The following CDKN2A variants were observed in gnomAD, a reference collection of about 807,000 sequenced individuals.
CDKN2A encodes cyclin-dependent kinase inhibitor 2A.
A neutral mutation model predicts 11.1 loss-of-function variants in CDKN2A; 3 were observed. That is an observed-to-expected ratio of 0.27 (90% CI 0.12 to 0.70). The LOEUF (loss-of-function observed/expected upper bound fraction) is 0.70. CDKN2A is among the 30% of genes least tolerant of loss of function. The pLI is 0.77. For missense variants in CDKN2A, 265 were observed against 233.6 expected, an observed-to-expected ratio of 1.13 and a Z score of -0.88; for synonymous variants, 122 against 108.1, an observed-to-expected ratio of 1.13 and a Z score of -0.80.
At chr9:21,970,767 C>T (rs1587329960) in intron 2 of CDKN2A, 135 bp downstream of exon 2, 2 of 1,104,458 alleles carry the variant, frequency 1.8e-6, no homozygotes, top group South Asian at 1.4e-5. Context: ...AGACTCAGGC[C>T]GTCCCACCGA....
At chr9:21,994,554 A>C in intron 1 of CDKN2A, 5 of 1,107,648 alleles carry the variant, frequency 4.5e-6, no homozygotes, top group East Asian at 3.1e-5. Context: ...GACCTCCAAG[A>C]TCTCGGAACG....
At position 21,991,716 on chromosome 9, in the gene CDKN2A, G is replaced by A. The variant is rs1012089859; in HGVS notation, c.-4+2166C>T. Reference sequence around the variant, plus strand: ...ATCATAGACGGTAATAGGCTATGTTGTTGCTACCTTAGGATCATAATGGAC... The same window carrying A: ...ATCATAGACGGTAATAGGCTATGTTATTGCTACCTTAGGATCATAATGGAC... On this transcript the variant is annotated intron_variant, in intron 2 of 3. Coordinates refer to the CDKN2A transcript ENST00000494262. The surrounding 1 kb of genome is among the most constrained non-coding windows in gnomAD (Gnocchi z 5.2). 5 of 983,058 alleles carry A rather than the reference G, an allele frequency of 5.1e-6. No individual in the cohort carries two copies. The highest frequency in any genetic ancestry group is 6.0e-6 in the Non-Finnish European group (5 of 827,840). The allele number at this position is 983,058 out of a possible 1,614,324, so 60.9% of individuals were successfully genotyped here.
In CDKN2A at chr9:21,967,857, T is replaced by C. The variant is rs1819486416; in HGVS notation, c.*372A>G. 3.0e-6 allele frequency: 1 copy of C among 337,174 alleles called. No homozygotes were observed. Among genetic ancestry groups the C allele is most frequent in the Non-Finnish European group, 5.5e-6 (1 of 183,322 alleles). 20.9% of individuals were successfully genotyped at this position (337,174 alleles called of 1,614,324 possible). On this transcript the variant is annotated 3_prime_UTR_variant, in exon 3 of 3. Coordinates refer to ENST00000304494, the MANE Select transcript of CDKN2A (RefSeq NM_000077.5). ...CAGTAACCCCCCTGAGCTTCCCTAG[T>C]TCACAAAATGCTTGTCATGAAGTCG...
intron 1 of CDKN2A, among the ~76,000 whole-genome samples, chr9:21,972,406 G>T (rs920421393): frequency 1.3e-5 from 2 of 152,050 alleles, no homozygotes; most frequent in Non-Finnish European, 2.9e-5. Context: ...TTATTAGAGG[G>T]TCACAGTCAG....
chr9:21,970,380 CGGAGGGTCAGATTAGCTGA>C (rs1819649431), intron 2 of CDKN2A: 1 of 278,884 alleles, frequency 3.6e-6, no homozygotes, highest in Non-Finnish European at 6.8e-6. Flanking sequence ...CCGCATAAAG[CGGAGGGTCAGATTAGCTGA>C]GGAGGGTCAG....
At chr9:21,975,764 T>G (rs1206332138), upstream of CDKN2A, among the ~76,000 whole-genome samples, 2 of 152,208 alleles carry the variant, frequency 1.3e-5, no homozygotes, top group African/African-American at 4.8e-5. Flanking sequence ...AAAGTCATAA[T>G]TCCTAGACCA....
At chr9:21,979,543 C>T (rs1411738607), upstream of CDKN2A, among the ~76,000 whole-genome samples, 1 of 152,028 alleles carries the variant, frequency 6.6e-6, no homozygotes, top group Non-Finnish European at 1.5e-5. Context: ...CAAAGTACAG[C>T]GGTGGTTATA....
upstream of CDKN2A, among the ~76,000 whole-genome samples, chr9:21,976,294 G>A (rs1244857096): frequency 2.0e-5 from 3 of 150,738 alleles, no homozygotes; most frequent in African/African-American, 7.3e-5. Context: ...CAGGAGAATC[G>A]CTTGAACCCG....
intron 2 of CDKN2A, among the ~76,000 whole-genome samples, chr9:21,990,401 C>T (rs1820399394): frequency 6.6e-6 from 1 of 152,088 alleles, no homozygotes; most frequent in South Asian, 2.1e-4. Context: ...CCTTGTCTTT[C>T]CTCCCTCCCT....
upstream of CDKN2A, among the ~76,000 whole-genome samples, chr9:21,976,506 A>G (rs192619658): frequency 2.4e-3 from 373 of 152,254 alleles, 1 homozygote; most frequent in African/African-American, 8.6e-3. Flanking sequence ...ACCTGAGGCC[A>G]GGAGTTCGAG....
In CDKN2A at chr9:21,968,305, C is replaced by T. The variant is rs2131080071; in HGVS notation, c.458-63G>A. 5 of 1,584,838 alleles carry T rather than the reference C, an allele frequency of 3.2e-6. No individual in the cohort carries two copies. Among genetic ancestry groups the T allele is most frequent in the African/African-American group, 1.3e-5 (1 of 74,380 alleles). ...GAGGTCAAAGATGTGTGGCACATCC[C>T]GCCCTCCTCTCTTGCCGTCCCTACC... On this transcript the variant is annotated intron_variant, in intron 2 of 2. Coordinates refer to ENST00000304494, the MANE Select transcript of CDKN2A (RefSeq NM_000077.5). The surrounding 1 kb of genome is among the most constrained non-coding windows in gnomAD (Gnocchi z 4.7).
intron 2 of CDKN2A, among the ~76,000 whole-genome samples, chr9:21,981,529 G>A (rs1396660726): frequency 6.6e-6 from 1 of 151,836 alleles, no homozygotes; most frequent in Non-Finnish European, 1.5e-5. Context: ...GGCAATGGAG[G>A]AATAATTCCA....
At position 21,974,682 on chromosome 9, in the gene CDKN2A, A is replaced by G. The variant is rs199907548; in HGVS notation, c.146T>C (p.Ile49Thr). The change falls in exon 1 of 3, where the codon ATC becomes ACC. Residue 49 changes from isoleucine (I) to threonine (T), a missense_variant. Physicochemically the swap from Ile to Thr is moderately conservative, Grantham distance 89. Coordinates refer to ENST00000304494, the MANE Select transcript of CDKN2A (RefSeq NM_000077.5). This position sits in a 1 kb window ranked among gnomAD's most constrained non-coding sequence, Gnocchi z 5.2. ...CGCTGCAGACCCTCTACCCACCTGG[A>G]TCGGCCTCCGACCGTAACTATTCGG... ...NAPNSYGRRP[I>T]QVMMMGSARV... 178 of 1,613,956 alleles carry G rather than the reference A, an allele frequency of 1.1e-4. No individual in the cohort carries two copies. The Admixed American group carries it at 2.9e-3, about 26-fold the overall frequency.
intron 2 of CDKN2A, among the ~76,000 whole-genome samples, chr9:21,984,009 T>C (rs558944949): frequency 1.3e-5 from 2 of 152,042 alleles, no homozygotes; most frequent in Admixed American, 6.6e-5. Flanking sequence ...GAATGTCAGA[T>C]ATATAAAAAT....
At position 21,974,852 on chromosome 9, in the gene CDKN2A, G is replaced by A. The variant is rs144481587; in HGVS notation, c.-25C>T. ...TGCTGCTCCCCGCCGCCCGCTGCCT[G>A]CTCTCCCCCTCTCCGCAGCCGCCGA... On this transcript the variant is annotated 5_prime_UTR_variant, in exon 1 of 3. Transcript: ENST00000304494. This position sits in a 1 kb window ranked among gnomAD's most constrained non-coding sequence, Gnocchi z 5.2. 2.3e-3 allele frequency: 3,559 copies of A among 1,542,830 alleles called. 63 individuals carry two copies. The African/African-American group carries it at 0.039, about 17-fold the overall frequency.
Position 21,968,670 on chromosome 9 carries a change from A to T in CDKN2A, c.458-428T>A, listed in dbSNP as rs767604175. On this transcript the variant is annotated intron_variant, in intron 2 of 2. Coordinates refer to ENST00000304494, the MANE Select transcript of CDKN2A (RefSeq NM_000077.5). The surrounding 1 kb of genome is among the most constrained non-coding windows in gnomAD (Gnocchi z 4.7). ...TGCGGAGTGAGCCAGCCAGCTTGCG[A>T]TAACCAAAGGGCGCCTCAGGCTCTG... The T allele has an allele frequency of 6.5e-7, 1 of 1,535,646 alleles. No homozygotes were observed. The highest frequency in any genetic ancestry group is 8.7e-7 in the Non-Finnish European group (1 of 1,146,540).
intron 2 of CDKN2A, chr9:21,970,534 T>A: frequency 2.0e-6 from 1 of 508,344 alleles, no homozygotes; most frequent in Non-Finnish European, 3.5e-6. Flanking sequence ...ACAGACCTGG[T>A]AAGTGGATGC....
rs1819494021 is a variant in CDKN2A at position 21,968,041 on chromosome 9, G to T, written c.*188C>A. 4.9e-6 allele frequency: 3 copies of T among 611,322 alleles called. No individual in the cohort carries two copies. The South Asian group carries it at 6.4e-5, about 13-fold the overall frequency. The allele number at this position is 611,322 out of a possible 1,614,324, so 37.9% of individuals were successfully genotyped here. ...AGAATATATAAAAAATGATATAAAT[G>T]GACATTTACGGTAGTGGGGGAAGGC... On this transcript the variant is annotated 3_prime_UTR_variant, in exon 3 of 3. Coordinates refer to ENST00000304494, the MANE Select transcript of CDKN2A (RefSeq NM_000077.5). This position sits in a 1 kb window ranked among gnomAD's most constrained non-coding sequence, Gnocchi z 4.7.
At chr9:21,987,666 A>G (rs1459009270) in intron 2 of CDKN2A, among the ~76,000 whole-genome samples, 1 of 152,152 alleles carries the variant, frequency 6.6e-6, no homozygotes, top group African/African-American at 2.4e-5. Flanking sequence ...ACAAAGGGTC[A>G]CATAATAATA....
Sources: gnomAD v4.1 joint callset for allele counts (sites outside exome capture counted in the v4.1 genomes callset) on GRCh38, gnomAD v4.1.1 for gene constraint, Gnocchi (gnomAD v3.1) non-coding constraint, MANE v1.5 for transcripts, NCBI Gene and HGNC (gene_info 2026-07-23, HGNC 2026-07-21) for gene names.